EDC4: variants seen among roughly 807,000 people sequenced by gnomAD.
The protein encoded by EDC4 is enhancer of mRNA-decapping protein 4.
EDC4 carries 64 observed loss-of-function variants against 155.8 expected under a neutral mutation model. The observed-to-expected ratio is 0.41, with a 90% confidence interval of 0.34 to 0.51. The LOEUF is 0.51. Among genes scored for constraint, EDC4 ranks in the 20% least tolerant of loss-of-function variants. EDC4 has a pLI of 0.19. For missense variants in EDC4, 1,303 were observed against 1,812.5 expected (o/e 0.72, Z 5.10); for synonymous variants, 684 against 716.8 (o/e 0.95, Z 0.73).
chr16:67,883,727 C>G lies in EDC4; in HGVS notation c.4009C>G (p.Leu1337Val). Residue 1337 changes from leucine to valine, a missense_variant, in exon 28 of 29, where the codon CTC becomes GTC. Physicochemically the swap from Leu to Val is conservative, Grantham distance 32. Transcript: ENST00000358933. The surrounding 1 kb of genome is among the most constrained non-coding windows in gnomAD (Gnocchi z 5.3). ...SDLGTRTDLK[L>V]SYLEEAVMHL... ...CCTTGGCACTCGAACTGACCTCAAG[C>G]TCAGGTAAGTGGGGACAGCCAGGGA... is the stretch of plus-strand genomic sequence containing the variant. The G allele has an allele frequency of 2.5e-6, 4 of 1,614,090 alleles. No individual in the cohort carries two copies. Among genetic ancestry groups the G allele is most frequent in the Non-Finnish European group, 3.4e-6 (4 of 1,180,020 alleles).
At position 67,880,762 on chromosome 16, in the gene EDC4, G is replaced by A. The variant is rs2058063777; in HGVS notation, c.2303G>A (p.Ser768Asn). 6.2e-7 allele frequency: 1 copy of A among 1,614,194 alleles called. No homozygotes were observed. The highest frequency in any genetic ancestry group is 1.3e-5 in the African/African-American group (1 of 75,070). Residue 768 changes from serine to asparagine, a missense_variant, in exon 18 of 29, where the codon AGT becomes AAT. By Grantham distance (46) the Ser-to-Asn change is conservative (BLOSUM62 1). Around this residue, in one of 5 missense-constraint regions of EDC4, gnomAD observed 391 missense variants for 445.4 expected, o/e 0.88. Transcript: ENST00000358933. The surrounding 1 kb of genome is among the most constrained non-coding windows in gnomAD (Gnocchi z 5.2). The part of the protein sequence containing the change: ...SSAPEGLEPD[S>N]MASAASALHL... ...GCACCAGAGGGCCTTGAGCCAGACA[G>A]TATGGCTTCAGCCGCCTCGGCACTG...
chr16:67,880,090 C>T lies in EDC4; in HGVS notation c.1971C>T (p.Pro657=). 6.2e-7 allele frequency: 1 copy of T among 1,610,576 alleles called. No individual in the cohort carries two copies. The highest frequency in any genetic ancestry group is 8.5e-7 in the Non-Finnish European group (1 of 1,177,916). Residue 657 remains proline (P), a synonymous_variant, in exon 17 of 29, where the codon CCC becomes CCT. Coordinates refer to ENST00000358933, the MANE Select transcript of EDC4 (RefSeq NM_014329.5). The surrounding 1 kb of genome is among the most constrained non-coding windows in gnomAD (Gnocchi z 5.2). ...CACCTGAGGAGCTGACCTTGAGCCC[C>T]AAGCTGCAGCTGGATGGCAGCCTGA... is the stretch of plus-strand genomic sequence containing the variant. The part of the protein sequence containing the change: ...TRPPEELTLS[P]KLQLDGSLTM...
At position 67,880,508 on chromosome 16, in the gene EDC4, C is replaced by T; in HGVS notation, c.2098-49C>T. 15 of 1,592,750 alleles carry T rather than the reference C, an allele frequency of 9.4e-6. No individual in the cohort carries two copies. Among genetic ancestry groups the T allele is most frequent in the Non-Finnish European group, 1.3e-5 (15 of 1,167,012 alleles). Reference sequence around the variant, plus strand: ...AATGCCTCGTCTCTGTGCCCCCCATCTCTGCCTCACTTCCTGTCACTTAAG... The same window carrying T: ...AATGCCTCGTCTCTGTGCCCCCCATTTCTGCCTCACTTCCTGTCACTTAAG... On this transcript the variant is annotated intron_variant, in intron 17 of 28. Coordinates refer to ENST00000358933, the MANE Select transcript of EDC4 (RefSeq NM_014329.5). This position sits in a 1 kb window ranked among gnomAD's most constrained non-coding sequence, Gnocchi z 5.2.
Position 67,879,170 on chromosome 16 carries a change from A to T in EDC4, c.1468+33A>T. On this transcript the variant is annotated intron_variant, in intron 12 of 28. Transcript: ENST00000358933. The surrounding 1 kb of genome is among the most constrained non-coding windows in gnomAD (Gnocchi z 6.0). ...GCCTCAGGGTCAGAGCTATGTGTCCATATATCTAGGGGGTTGTGGAGGCAC... is the reference window on the plus strand; with the variant it reads ...GCCTCAGGGTCAGAGCTATGTGTCCTTATATCTAGGGGGTTGTGGAGGCAC... The T allele has an allele frequency of 6.2e-7, 1 of 1,614,094 alleles. No homozygotes were observed. Among genetic ancestry groups the T allele is most frequent in the Non-Finnish European group, 8.5e-7 (1 of 1,179,992 alleles).
chr16:67,877,153 G>A lies in EDC4; in HGVS notation c.452-64G>A. The A allele has an allele frequency of 1.3e-6, 2 of 1,552,322 alleles. No homozygotes were observed. The highest frequency in any genetic ancestry group is 4.6e-5 in the East Asian group (2 of 43,852). ...TGGTGGCAGGGAGACAGGTGGGGCA[G>A]CGCTTCTCTGCTACTGCCTGAGCCT... On this transcript the variant is annotated intron_variant, in intron 4 of 28. Coordinates refer to ENST00000358933, the MANE Select transcript of EDC4 (RefSeq NM_014329.5). The surrounding 1 kb of genome is among the most constrained non-coding windows in gnomAD (Gnocchi z 4.9).
chr16:67,877,143 A>G lies in EDC4; in HGVS notation c.452-74A>G, dbSNP rs951881036. The G allele has an allele frequency of 3.9e-6, 6 of 1,543,200 alleles. No individual in the cohort carries two copies. The African/African-American group carries it at 6.8e-5, about 18-fold the overall frequency. On this transcript the variant is annotated intron_variant, in intron 4 of 28. Coordinates refer to ENST00000358933, the MANE Select transcript of EDC4 (RefSeq NM_014329.5). The surrounding 1 kb of genome is among the most constrained non-coding windows in gnomAD (Gnocchi z 4.9). Reference sequence around the variant, plus strand: ...GAGACTCTGGTGGTGGCAGGGAGACAGGTGGGGCAGCGCTTCTCTGCTACT... The same window carrying G: ...GAGACTCTGGTGGTGGCAGGGAGACGGGTGGGGCAGCGCTTCTCTGCTACT...
In EDC4 at chr16:67,879,299, G is replaced by A. The variant is rs752103327; in HGVS notation, c.1531G>A (p.Val511Met). ...CGGTGTGCTCATCAAGCTCTTTTGT[G>A]TGCATACTAAGTGAGTGAGTGGGGA... is the stretch of plus-strand genomic sequence containing the variant. ...AAGVLIKLFC[V>M]HTKALQDVQI... Residue 511 changes from valine (V) to methionine (M), a missense_variant, in exon 13 of 29, where the codon GTG becomes ATG. Physicochemically the swap from Val to Met is conservative, Grantham distance 21 (BLOSUM62 1). Transcript: ENST00000358933. The surrounding 1 kb of genome is among the most constrained non-coding windows in gnomAD (Gnocchi z 6.0). The A allele has an allele frequency of 6.8e-6, 11 of 1,614,082 alleles. No individual in the cohort carries two copies. Among genetic ancestry groups the A allele is most frequent in the Non-Finnish European group, 9.3e-6 (11 of 1,180,026 alleles).
chr16:67,876,340 A>C lies in EDC4; in HGVS notation c.240-148A>C. On this transcript the variant is annotated intron_variant, in intron 2 of 28. Transcript: ENST00000358933. The surrounding 1 kb of genome is among the most constrained non-coding windows in gnomAD (Gnocchi z 5.8). ...CCCAAGGAAGGAGATGAGCAAGCAGAGCTGTGGGTCTGGGGCCAGTGGACC... is the reference window on the plus strand; with the variant it reads ...CCCAAGGAAGGAGATGAGCAAGCAGCGCTGTGGGTCTGGGGCCAGTGGACC... The C allele has an allele frequency of 7.5e-7, 1 of 1,331,498 alleles. No homozygotes were observed. Among genetic ancestry groups the C allele is most frequent in the Non-Finnish European group, 1.0e-6 (1 of 991,500 alleles). 82.5% of individuals were successfully genotyped at this position (1,331,498 alleles called of 1,614,324 possible).
chr16:67,880,473 T>G lies in EDC4; in HGVS notation c.2098-84T>G. On this transcript the variant is annotated intron_variant, in intron 17 of 28. Transcript: ENST00000358933. This position sits in a 1 kb window ranked among gnomAD's most constrained non-coding sequence, Gnocchi z 5.2. ...TCCCTGCTGCCCTGTCTCTCATTAC[T>G]GCTAATACTAATGCCTCGTCTCTGT... The G allele has an allele frequency of 1.3e-6, 2 of 1,529,064 alleles. No individual in the cohort carries two copies. The highest frequency in any genetic ancestry group is 1.8e-6 in the Non-Finnish European group (2 of 1,124,724). The allele number at this position is 1,529,064 out of a possible 1,614,324, so 94.7% of individuals were successfully genotyped here.
In EDC4 at chr16:67,879,337, T is replaced by C. The variant is rs749268420; in HGVS notation, c.1541+28T>C. On this transcript the variant is annotated intron_variant, in intron 13 of 28. Transcript: ENST00000358933. This position sits in a 1 kb window ranked among gnomAD's most constrained non-coding sequence, Gnocchi z 6.0. The stretch of plus-strand genomic sequence containing the variant: ...GAGTGAGTGGGGAGGCCCGCCAGTG[T>C]CCTGTCTGTGTCTGTCTCCACTCTA... 1 of 1,614,190 alleles carries C rather than the reference T, an allele frequency of 6.2e-7. No individual in the cohort carries two copies. The highest frequency in any genetic ancestry group is 8.5e-7 in the Non-Finnish European group (1 of 1,180,008).
rs747566518 is a variant in EDC4 at position 67,882,121 on chromosome 16, A to C, written c.3160+12A>C. 3 of 1,613,830 alleles carry C rather than the reference A, an allele frequency of 1.9e-6. No homozygotes were observed. The East Asian group carries it at 6.7e-5, about 36-fold the overall frequency. Reference sequence around the variant, plus strand: ...GACAGTCCCTCCATGTGAGTTTTGCATGCAGACTCCCTTTGGGTGGTTCAG... The same window carrying C: ...GACAGTCCCTCCATGTGAGTTTTGCCTGCAGACTCCCTTTGGGTGGTTCAG... On this transcript the variant is annotated intron_variant, in intron 23 of 28. Transcript: ENST00000358933. The surrounding 1 kb of genome is among the most constrained non-coding windows in gnomAD (Gnocchi z 7.2).
chr16:67,883,336 T>G lies in EDC4; in HGVS notation c.3849+159T>G, dbSNP rs2058078799. On this transcript the variant is annotated intron_variant, in intron 27 of 28. Transcript: ENST00000358933. The surrounding 1 kb of genome is among the most constrained non-coding windows in gnomAD (Gnocchi z 5.3). ...GGCCATTGTCCCTGCTGCTTCCTCT[T>G]CCTGGACCCCTTTCTTCCCACCTAG... The G allele has an allele frequency of 7.5e-7, 1 of 1,339,106 alleles. No homozygotes were observed. The highest frequency in any genetic ancestry group is 1.0e-6 in the Non-Finnish European group (1 of 996,724). The allele number at this position is 1,339,106 out of a possible 1,614,324, so 83.0% of individuals were successfully genotyped here. A position where few individuals can be genotyped will look rare whatever the true frequency, so the allele number is the denominator to read the frequency against.
At chr16:67,874,649 A>C (rs954398785) in intron 1 of EDC4, among the ~76,000 whole-genome samples, 1 of 152,208 alleles carries the variant, frequency 6.6e-6, no homozygotes, top group Non-Finnish European at 1.5e-5. Flanking sequence ...GTCCCTGAGC[A>C]GCTAAAGTGG....
At position 67,883,418 on chromosome 16, in the gene EDC4, A is replaced by G; in HGVS notation, c.3850-150A>G. On this transcript the variant is annotated intron_variant, in intron 27 of 28. Coordinates refer to ENST00000358933, the MANE Select transcript of EDC4 (RefSeq NM_014329.5). The surrounding 1 kb of genome is among the most constrained non-coding windows in gnomAD (Gnocchi z 5.3). ...AACCCATTTCCCAATCCCCTAGGGTAACTACACAGCCCTACAGGCTCTCTC... is the reference window on the plus strand; with the variant it reads ...AACCCATTTCCCAATCCCCTAGGGTGACTACACAGCCCTACAGGCTCTCTC... The G allele has an allele frequency of 7.5e-7, 1 of 1,338,314 alleles. No individual in the cohort carries two copies. Among genetic ancestry groups the G allele is most frequent in the Non-Finnish European group, 1.0e-6 (1 of 976,574 alleles). 82.9% of individuals were successfully genotyped at this position (1,338,314 alleles called of 1,614,324 possible).
chr16:67,877,350 G>A lies in EDC4; in HGVS notation c.585G>A (p.Leu195=). ...TCAACTCTCCACAGCTGGCCTGCCT[G>A]GATGAGGCAGGCAACCTGTTCGTGT... ...AHLNSPQLAC[L]DEAGNLFVWR... The change falls in exon 5 of 29, where the codon CTG becomes CTA. Residue 195 remains leucine (L), a synonymous_variant. Transcript: ENST00000358933. The surrounding 1 kb of genome is among the most constrained non-coding windows in gnomAD (Gnocchi z 4.9). The A allele has an allele frequency of 6.2e-7, 1 of 1,614,056 alleles. No individual in the cohort carries two copies. Among genetic ancestry groups the A allele is most frequent in the Non-Finnish European group, 8.5e-7 (1 of 1,180,024 alleles).
At position 67,876,938 on chromosome 16, in the gene EDC4, T is replaced by C. The variant is rs2058044190; in HGVS notation, c.417T>C (p.Ala139=). ...EQKYYYGNLI[A]VSNSFLAYAI... ...AGTACTACTATGGCAACCTGATTGC[T>C]GTGTCTAACTCCTTCTTGGCCTATG... The change falls in exon 4 of 29, where the codon GCT becomes GCC. Residue 139 remains alanine (A), a synonymous_variant. Transcript: ENST00000358933. The surrounding 1 kb of genome is among the most constrained non-coding windows in gnomAD (Gnocchi z 5.8). 8 of 1,614,150 alleles carry C rather than the reference T, an allele frequency of 5.0e-6. No individual in the cohort carries two copies. Among genetic ancestry groups the C allele is most frequent in the Non-Finnish European group, 6.8e-6 (8 of 1,180,052 alleles).
At position 67,878,927 on chromosome 16, in the gene EDC4, A is replaced by G. The variant is rs757056254; in HGVS notation, c.1288-30A>G. On this transcript the variant is annotated intron_variant, in intron 11 of 28. Coordinates refer to ENST00000358933, the MANE Select transcript of EDC4 (RefSeq NM_014329.5). The surrounding 1 kb of genome is among the most constrained non-coding windows in gnomAD (Gnocchi z 5.2). ...GGCGCATCACAGCCCTTAGCCTCTG[A>G]GCTCAGCTAGGAACGTTCTGCCTGT... The G allele has an allele frequency of 7.5e-6, 12 of 1,610,674 alleles. No individual in the cohort carries two copies. The East Asian group carries it at 2.7e-4, about 36-fold the overall frequency.
At chr16:67,873,440 C>T in intron 1 of EDC4, 97 bp downstream of exon 1, 1 of 978,738 alleles carries the variant, frequency 1.0e-6, no homozygotes, top group South Asian at 2.1e-5. Context: ...TTAGGACTAG[C>T]TCTGGATCCT....
chr16:67,882,672 C>G lies in EDC4; in HGVS notation c.3443-7C>G. On this transcript the variant is annotated splice_region_variant and splice_polypyrimidine_tract_variant and intron_variant, in intron 25 of 28. Transcript: ENST00000358933. The surrounding 1 kb of genome is among the most constrained non-coding windows in gnomAD (Gnocchi z 7.2). The stretch of plus-strand genomic sequence containing the variant: ...TTCCTCTTATAGTCCCTGTGGTCAC[C>G]CCTCAGACTTGCAGCAGCTAGAAAG... 6.2e-7 allele frequency: 1 copy of G among 1,614,204 alleles called. No individual in the cohort carries two copies. The highest frequency in any genetic ancestry group is 1.1e-5 in the South Asian group (1 of 91,086).
Sources: allele counts gnomAD v4.1 joint callset (sites outside exome capture counted in the v4.1 genomes callset), GRCh38; gene constraint gnomAD v4.1.1; regional missense constraint gnomAD v4.1.1; non-coding constraint Gnocchi (gnomAD v3.1); transcripts MANE v1.5; gene names NCBI Gene and HGNC (gene_info 2026-07-23, HGNC 2026-07-21).